The following CPNE4 variants were observed in gnomAD, a reference collection of about 807,000 sequenced individuals.
CPNE4 encodes the protein copine 4.
CPNE4 carries 25 observed loss-of-function variants against 67.9 expected under a neutral mutation model. The ratio of observed to expected loss-of-function variants is 0.37; its 90% confidence interval spans 0.27 to 0.51. CPNE4 has a LOEUF of 0.51. Among genes scored for constraint, CPNE4 ranks in the 20% least tolerant of loss-of-function variants. CPNE4 has a pLI of 0.93. For synonymous variants in CPNE4, 242 were observed against 244.9 expected (o/e 0.99, Z 0.11); for missense variants, 464 against 690.8 (o/e 0.67, Z 3.68).
chr3:132,022,021 G>T (rs1174614177), intron 1 of CPNE4, among the ~76,000 whole-genome samples: 1 of 152,190 alleles, frequency 6.6e-6, no homozygotes, highest in African/African-American at 2.4e-5. Context: ...GATTAGGCAG[G>T]TCCCTATTAT....
intron 6 of CPNE4, among the ~76,000 whole-genome samples, chr3:131,675,456 G>A (rs1302144332): frequency 3.3e-5 from 5 of 151,954 alleles, no homozygotes; most frequent in Non-Finnish European, 7.4e-5. Context: ...TCTCTCCTTA[G>A]CTCTAATAAT....
chr3:131,583,980 G>A lies in CPNE4; in HGVS notation c.781-2315C>T, dbSNP rs189952647. 1.0e-3 allele frequency among the ~76,000 whole-genome samples: 157 copies of A among 152,204 alleles called. 1 individual carries two copies. The highest frequency in any genetic ancestry group is 3.7e-3 in the African/African-American group (152 of 41,542). On this transcript the variant is annotated intron_variant, in intron 8 of 15. Coordinates refer to ENST00000429747, the MANE Select transcript of CPNE4 (RefSeq NM_130808.3). ...CAATGCCTTCTTCTAGAAGGTCTTG[G>A]AGTAGCTCTCCTATTCTTGCAAGTA...
At chr3:131,542,395 A>G (rs569001134) in intron 15 of CPNE4, among the ~76,000 whole-genome samples, 162 bp downstream of exon 15, 8 of 152,104 alleles carry the variant, frequency 5.3e-5, no homozygotes, top group African/African-American at 1.9e-4. Flanking sequence ...CCAGGAAGGG[A>G]TAGCTAAGCC....
At chr3:131,969,692 A>G (rs1170115200) in intron 1 of CPNE4, among the ~76,000 whole-genome samples, 1 of 152,194 alleles carries the variant, frequency 6.6e-6, no homozygotes, top group Non-Finnish European at 1.5e-5. Context: ...TGCTTTATAG[A>G]TTAAAGTGAC....
chr3:131,575,554 C>T lies in CPNE4; in HGVS notation c.868-424G>A, dbSNP rs539409172. On this transcript the variant is annotated intron_variant, in intron 9 of 15. Transcript: ENST00000429747. The stretch of plus-strand genomic sequence containing the variant: ...AATTTAGATAGGCAGTTTTAAAATA[C>T]CATTGGCTGAGAAGGTAATTTACTG... Among the ~76,000 whole-genome samples, 26 of 152,212 alleles carry T rather than the reference C, an allele frequency of 1.7e-4. 1 individual carries two copies. The South Asian group carries it at 5.4e-3, about 32-fold the overall frequency.
In CPNE4 at chr3:131,862,756, G is replaced by C. The variant is rs549744406; in HGVS notation, c.180+42508C>G. ...AAGTTTTAAGGTACATGTACACAAC[G>C]TGCAGGTTTGTTACATATGTATACA... On this transcript the variant is annotated intron_variant, in intron 2 of 15. Coordinates refer to ENST00000429747, the MANE Select transcript of CPNE4 (RefSeq NM_130808.3). Among the ~76,000 whole-genome samples the C allele has an allele frequency of 2.1e-3, 313 of 151,470 alleles. 2 individuals carry two copies. The highest frequency in any genetic ancestry group is 7.2e-3 in the African/African-American group (299 of 41,252).
chr3:131,552,967 T>C (rs991920852), intron 12 of CPNE4, among the ~76,000 whole-genome samples: 1 of 152,090 alleles, frequency 6.6e-6, no homozygotes, highest in Non-Finnish European at 1.5e-5. Flanking sequence ...ATCATTAACA[T>C]GATATGCAGA....
intron 2 of CPNE4, among the ~76,000 whole-genome samples, chr3:131,798,041 C>G (rs1213659180): frequency 6.6e-6 from 1 of 152,154 alleles, no homozygotes; most frequent in African/African-American, 2.4e-5. Flanking sequence ...TCTGGTGGCT[C>G]TTTCTTTCTT....
intron 7 of CPNE4, chr3:131,620,548 G>A (rs1940408077): frequency 1.4e-6 from 1 of 720,120 alleles, no homozygotes. Flanking sequence ...CTTATCCCTG[G>A]GACCTGTGGA....
chr3:131,794,141 TC>T (rs1233024969), intron 2 of CPNE4, among the ~76,000 whole-genome samples: 2 of 152,184 alleles, frequency 1.3e-5, no homozygotes, highest in East Asian at 3.8e-4. Flanking sequence ...ATGACACTTC[TC>T]CTTGGGATGT....
At chr3:131,886,189 C>T (rs2087883998) in intron 2 of CPNE4, among the ~76,000 whole-genome samples, 1 of 152,156 alleles carries the variant, frequency 6.6e-6, no homozygotes, top group African/African-American at 2.4e-5. Context: ...GACTTCGTGC[C>T]CTGTGTCCCA....
At chr3:131,579,448 C>A (rs1217823138) in intron 9 of CPNE4, among the ~76,000 whole-genome samples, 1 of 152,156 alleles carries the variant, frequency 6.6e-6, no homozygotes, top group Non-Finnish European at 1.5e-5. Context: ...GGGGTAATTT[C>A]AACTTTCAAG....
At chr3:131,668,534 T>C (rs537712624) in intron 7 of CPNE4, among the ~76,000 whole-genome samples, 2 of 152,310 alleles carry the variant, frequency 1.3e-5, no homozygotes, top group East Asian at 1.9e-4. Context: ...AACCTTCTGA[T>C]GATTGTCTTC....
chr3:131,643,984 G>A (rs1174242036), intron 7 of CPNE4, among the ~76,000 whole-genome samples: 5 of 152,106 alleles, frequency 3.3e-5, no homozygotes, highest in Non-Finnish European at 7.4e-5. Context: ...CTTCATAGCA[G>A]CGCGAGAGTG....
intron 2 of CPNE4, among the ~76,000 whole-genome samples, chr3:131,888,572 G>A (rs889923497): frequency 6.6e-6 from 1 of 152,180 alleles, no homozygotes; most frequent in African/African-American, 2.4e-5. Flanking sequence ...GGAGTTTCCA[G>A]AAGGGAAGAA....
intron 11 of CPNE4, among the ~76,000 whole-genome samples, chr3:131,561,354 T>C (rs1216865970): frequency 1.3e-5 from 2 of 151,468 alleles, no homozygotes; most frequent in East Asian, 2.0e-4. Context: ...TGTGTGTGTG[T>C]GTGCGCACAT....
At chr3:131,543,857 G>T (rs940395762) in intron 14 of CPNE4, among the ~76,000 whole-genome samples, 2 of 152,178 alleles carry the variant, frequency 1.3e-5, no homozygotes. Context: ...CTTGCAGAAG[G>T]TTGCAGTGCT....
At chr3:131,759,623 TG>T (rs11332107) in intron 2 of CPNE4, among the ~76,000 whole-genome samples, 145,492 of 152,146 alleles carry the variant, frequency 0.96, 69,858 homozygotes, top group East Asian at 1. Context: ...AAAAGTGTAG[TG>T]GGGGGTGAAA....
At chr3:131,660,191 G>A (rs1042552425) in intron 7 of CPNE4, among the ~76,000 whole-genome samples, 5 of 152,162 alleles carry the variant, frequency 3.3e-5, no homozygotes, top group Admixed American at 2.0e-4. Flanking sequence ...ACTTGCTTTG[G>A]CAAGGTAGGC....
Sources: gnomAD v4.1 joint callset for allele counts (sites outside exome capture counted in the v4.1 genomes callset) on GRCh38, gnomAD v4.1.1 for gene constraint, MANE v1.5 for transcripts, NCBI Gene and HGNC (gene_info 2026-07-23, HGNC 2026-07-21) for gene names.